Variants in ZNF777 observed in about 807,000 individuals in gnomAD.
ZNF777 encodes the protein zinc finger protein 777.
ZNF777 carries 7 observed loss-of-function variants against 72.1 expected under a neutral mutation model. That is an observed-to-expected ratio of 0.10 (90% CI 0.06 to 0.18). The LOEUF (loss-of-function observed/expected upper bound fraction) is 0.18. Ranked by LOEUF, ZNF777 falls within the 10% of genes least tolerant of loss-of-function variation. The pLI is 1.00. For missense variants in ZNF777, 828 were observed against 1,128.6 expected (o/e 0.73, Z 3.82); for synonymous variants, 545 against 483.5 (o/e 1.13, Z -1.67).
chr7:149,440,665 G>GTTTTT (rs199888410), intron 4 of ZNF777, among the ~76,000 whole-genome samples: 3 of 88,412 alleles, frequency 3.4e-5, no homozygotes, highest in Non-Finnish European at 4.2e-5. Flanking sequence ...GCAGCCTGTT[G>GTTTTT]TTTTTTTGTT....
intron 4 of ZNF777, among the ~76,000 whole-genome samples, chr7:149,441,643 G>A (rs566104120): frequency 3.9e-5 from 6 of 152,244 alleles, no homozygotes; most frequent in Admixed American, 3.3e-4. Flanking sequence ...AATAATTCGT[G>A]TTCATAAGAA....
chr7:149,453,704 G>T (rs1267707697), intron 3 of ZNF777, among the ~76,000 whole-genome samples: 1 of 152,198 alleles, frequency 6.6e-6, no homozygotes, highest in Non-Finnish European at 1.5e-5. Flanking sequence ...TACTTGTACA[G>T]CACCTCAAAT....
chr7:149,432,444 T>A lies in ZNF777; in HGVS notation c.1828A>T (p.Thr610Ser). 4 of 1,613,480 alleles carry A rather than the reference T, an allele frequency of 2.5e-6. No individual in the cohort carries two copies. ...TTGAGCGCGTGCTTGGGGTTGAACGTGGGCCCGCGTTCGGGTGAGACGCAG... is the reference window on the plus strand; with the variant it reads ...TTGAGCGCGTGCTTGGGGTTGAACGAGGGCCCGCGTTCGGGTGAGACGCAG... Reference protein sequence around the residue: ...GGCVSPERGPTFNPKHALKPR... With the variant: ...GGCVSPERGPSFNPKHALKPR... The change falls in exon 6 of 6, where the codon ACG becomes TCG. Residue 610 changes from threonine to serine, a missense_variant. This residue lies in a region of ZNF777 where 100 missense variants were observed against 106.2 expected (regional missense o/e 0.94). Transcript: ENST00000247930.
chr7:149,453,963 C>T (rs1031343574), intron 3 of ZNF777, 148 bp downstream of exon 3: 61 of 1,171,530 alleles, frequency 5.2e-5, no homozygotes, highest in African/African-American at 9.2e-5. Context: ...TATATGAGGG[C>T]GTTTGCTTTA....
At chr7:149,443,346 G>T (rs771373109) in intron 4 of ZNF777, among the ~76,000 whole-genome samples, 6 of 152,022 alleles carry the variant, frequency 3.9e-5, no homozygotes, top group Non-Finnish European at 8.8e-5. Flanking sequence ...ATATAATTAA[G>T]GCCATGTGTA....
At position 149,436,090 on chromosome 7, in the gene ZNF777, G is replaced by A. The variant is rs888156027; in HGVS notation, c.1339+485C>T. Reference sequence around the variant, plus strand: ...AGAAGGAGCAAGAGTGAGCAGCATGGTGATAAAGTTTTATAATTAAACAAA... The same window carrying A: ...AGAAGGAGCAAGAGTGAGCAGCATGATGATAAAGTTTTATAATTAAACAAA... On this transcript the variant is annotated intron_variant, in intron 5 of 5. Transcript: ENST00000247930. This position sits in a 1 kb window ranked among gnomAD's most constrained non-coding sequence, Gnocchi z 5.0. 6.6e-6 allele frequency among the ~76,000 whole-genome samples: 1 copy of A among 152,166 alleles called. No individual in the cohort carries two copies. The highest frequency in any genetic ancestry group is 2.4e-5 in the African/African-American group (1 of 41,450).
In ZNF777 at chr7:149,460,477, G is replaced by A. The variant is rs1799928222; in HGVS notation, c.-16+338C>T. The stretch of plus-strand genomic sequence containing the variant: ...CCCGGCCCGCGCGCCGCCCCTCTGC[G>A]GCCGCGGCTGGGACCCCAGCTCCGG... On this transcript the variant is annotated intron_variant, in intron 1 of 5. Coordinates refer to ENST00000247930, the MANE Select transcript of ZNF777 (RefSeq NM_015694.3). This position sits in a 1 kb window ranked among gnomAD's most constrained non-coding sequence, Gnocchi z 6.1. Among the ~76,000 whole-genome samples, 1 of 148,940 alleles carries A rather than the reference G, an allele frequency of 6.7e-6. No individual in the cohort carries two copies. The highest frequency in any genetic ancestry group is 1.5e-5 in the Non-Finnish European group (1 of 66,970).
rs766325915 is a variant in ZNF777 at position 149,432,532 on chromosome 7, C to T, written c.1740G>A (p.Glu580=). 6.2e-7 allele frequency: 1 copy of T among 1,613,930 alleles called. No individual in the cohort carries two copies. The highest frequency in any genetic ancestry group is 8.5e-7 in the Non-Finnish European group (1 of 1,179,894). The change falls in exon 6 of 6, where the codon GAG becomes GAA. Residue 580 remains glutamate, a synonymous_variant. Transcript: ENST00000247930. ...KEGPYECAEC[E]ISFRHKQQLT... ...GCTGTTGCTTGTGCCGGAAGCTGAT[C>T]TCGCATTCGGCGCACTCGTAGGGCC...
At position 149,436,560 on chromosome 7, in the gene ZNF777, C is replaced by T; in HGVS notation, c.1339+15G>A. ...CATGGCAACCCTTCCCCGGCCGTCC[C>T]CGCCCAGCACTCACCCGTGCAGTTC... On this transcript the variant is annotated intron_variant, in intron 5 of 5. Coordinates refer to ENST00000247930, the MANE Select transcript of ZNF777 (RefSeq NM_015694.3). This position sits in a 1 kb window ranked among gnomAD's most constrained non-coding sequence, Gnocchi z 5.0. 1 of 1,578,498 alleles carries T rather than the reference C, an allele frequency of 6.3e-7. No individual in the cohort carries two copies. The highest frequency in any genetic ancestry group is 8.6e-7 in the Non-Finnish European group (1 of 1,158,830).
At chr7:149,443,595 T>C (rs935358629) in intron 4 of ZNF777, among the ~76,000 whole-genome samples, 1 of 152,238 alleles carries the variant, frequency 6.6e-6, no homozygotes, top group African/African-American at 2.4e-5. Context: ...AAGTTATACA[T>C]GCACATAGGC....
intron 1 of ZNF777, 85 bp from the exon 2 acceptor site, chr7:149,456,122 A>G (rs1799826196): frequency 7.0e-7 from 1 of 1,437,772 alleles, no homozygotes; most frequent in African/African-American, 1.4e-5. Context: ...GTATACACAT[A>G]AAAAGTGCTT....
intron 4 of ZNF777, among the ~76,000 whole-genome samples, chr7:149,443,218 G>A (rs1379736835): frequency 1.5e-5 from 2 of 135,994 alleles, no homozygotes; most frequent in African/African-American, 2.8e-5. Flanking sequence ...AAAAGAACAC[G>A]ACAAATTTAT....
Position 149,432,357 on chromosome 7 carries a change from G to A in ZNF777, c.1915C>T (p.Pro639Ser). 1 of 1,612,430 alleles carries A rather than the reference G, an allele frequency of 6.2e-7. No individual in the cohort carries two copies. The highest frequency in any genetic ancestry group is 8.5e-7 in the Non-Finnish European group (1 of 1,179,866). The change falls in exon 6 of 6, where the codon CCC becomes TCC. Residue 639 changes from proline (P) to serine (S), a missense_variant. Pro to Ser is a moderately conservative substitution (Grantham distance 74, BLOSUM62 -1). Transcript: ENST00000247930. Reference sequence around the variant, plus strand: ...TGGCTGAAGCTGCTGTCGCACTCGGGGCACTTGTAGGGCTTAGGGCCACCG... The same window carrying A: ...TGGCTGAAGCTGCTGTCGCACTCGGAGCACTTGTAGGGCTTAGGGCCACCG... ...GGGGPKPYKC[P>S]ECDSSFSHKS...
intron 4 of ZNF777, among the ~76,000 whole-genome samples, chr7:149,448,510 T>TATATATATATGTATATAA (rs1351675498): frequency 8.2e-6 from 1 of 122,364 alleles, no homozygotes; most frequent in African/African-American, 3.8e-5. Context: ...TATATATATA[T>TATATATATATGTATATAA]AACTATATAT....
At chr7:149,446,445 T>G (rs908396094) in intron 4 of ZNF777, among the ~76,000 whole-genome samples, 1 of 152,244 alleles carries the variant, frequency 6.6e-6, no homozygotes, top group Non-Finnish European at 1.5e-5. Flanking sequence ...CAACTCAATC[T>G]TTCATTGTGT....
chr7:149,444,642 T>C (rs1443203566), intron 4 of ZNF777, among the ~76,000 whole-genome samples: 1 of 152,352 alleles, frequency 6.6e-6, no homozygotes, highest in African/African-American at 2.4e-5. Context: ...TTAATCGAAA[T>C]AGTCTGGCTA....
chr7:149,441,873 G>C (rs1168481127), intron 4 of ZNF777, among the ~76,000 whole-genome samples: 1 of 151,690 alleles, frequency 6.6e-6, no homozygotes, highest in Non-Finnish European at 1.5e-5. Flanking sequence ...TTTTTTTTGA[G>C]ATGCTCACAG....
chr7:149,446,117 C>A (rs984123067), intron 4 of ZNF777, among the ~76,000 whole-genome samples: 1 of 152,222 alleles, frequency 6.6e-6, no homozygotes, highest in Non-Finnish European at 1.5e-5. Context: ...GATGTGGTGG[C>A]CTGTAATCCA....
chr7:149,455,488 G>C lies in ZNF777; in HGVS notation c.535C>G (p.Pro179Ala), dbSNP rs760236667. The change falls in exon 2 of 6, where the codon CCC becomes GCC. Residue 179 changes from proline (P) to alanine (A), a missense_variant. This residue lies in a region of ZNF777 where 76 missense variants were observed against 157.3 expected (regional missense o/e 0.48). Transcript: ENST00000247930. This position sits in a 1 kb window ranked among gnomAD's most constrained non-coding sequence, Gnocchi z 4.2. ...SSAVQKEQPL[P>A]TAEITRLAVW... ...GCCAAGCGGGTGATCTCTGCCGTGG[G>C]GAGCGGCTGTTCCTTCTGGACTGCA... 1.9e-6 allele frequency: 3 copies of C among 1,614,122 alleles called. No individual in the cohort carries two copies. Among genetic ancestry groups the C allele is most frequent in the Non-Finnish European group, 2.5e-6 (3 of 1,180,018 alleles).
Sources: gnomAD v4.1 joint callset for allele counts (sites outside exome capture counted in the v4.1 genomes callset) on GRCh38, gnomAD v4.1.1 for gene constraint, gnomAD v4.1.1 regional missense constraint, Gnocchi (gnomAD v3.1) non-coding constraint, MANE v1.5 for transcripts, NCBI Gene and HGNC (gene_info 2026-07-23, HGNC 2026-07-21) for gene names.